AOAH: variants seen among roughly 807,000 people sequenced by gnomAD.
AOAH encodes the protein acyloxyacyl hydrolase.
Under a neutral mutation model 92.2 loss-of-function variants are expected in AOAH, and 64 were observed. That is an observed-to-expected ratio of 0.69 (90% CI 0.57 to 0.86). The LOEUF (loss-of-function observed/expected upper bound fraction) is 0.86, where lower values mean the gene tolerates loss of function less well. Ranked by LOEUF, AOAH falls within the 40% of genes least tolerant of loss-of-function variation. The pLI, the probability that AOAH is intolerant of heterozygous loss-of-function variation, is 0.00. For synonymous variants in AOAH, 263 were observed against 254.5 expected, an observed-to-expected ratio of 1.03 and a Z score of -0.32; for missense variants, 656 against 694.6, an observed-to-expected ratio of 0.94 and a Z score of 0.62.
chr7:36,710,607 G>C (rs559579889), intron 1 of AOAH, among the ~76,000 whole-genome samples: 1 of 152,186 alleles, frequency 6.6e-6, no homozygotes, highest in African/African-American at 2.4e-5. Flanking sequence ...TAATAAATTT[G>C]TGTTGATTTA....
At chr7:36,646,126 A>G (rs1465862895) in intron 4 of AOAH, among the ~76,000 whole-genome samples, 2 of 152,216 alleles carry the variant, frequency 1.3e-5, no homozygotes, top group African/African-American at 2.4e-5. Context: ...TTCACACCAT[A>G]GAGGTTCTTC....
intron 12 of AOAH, among the ~76,000 whole-genome samples, chr7:36,593,655 A>C (rs1789903620): frequency 6.6e-6 from 1 of 152,200 alleles, no homozygotes; most frequent in African/African-American, 2.4e-5. Flanking sequence ...AGATGTTGGG[A>C]GAGAAATTGC....
chr7:36,573,645 G>A (rs546454403), intron 13 of AOAH, among the ~76,000 whole-genome samples: 1 of 152,278 alleles, frequency 6.6e-6, no homozygotes, highest in Admixed American at 6.5e-5. Flanking sequence ...TTGAACCCAG[G>A]AGGTGGAGGT....
intron 11 of AOAH, among the ~76,000 whole-genome samples, chr7:36,601,874 G>C (rs559717355): frequency 6.6e-6 from 1 of 152,146 alleles, no homozygotes; most frequent in Non-Finnish European, 1.5e-5. Flanking sequence ...AAACCTCAGG[G>C]CTAAATTCAT....
chr7:36,538,172 T>G (rs1302428821), intron 16 of AOAH, among the ~76,000 whole-genome samples: 1 of 151,822 alleles, frequency 6.6e-6, no homozygotes, highest in East Asian at 1.9e-4. Flanking sequence ...GGATCACAGG[T>G]GTGTGCCACC....
chr7:36,657,536 C>T (rs1026058203), intron 4 of AOAH, among the ~76,000 whole-genome samples: 3 of 152,132 alleles, frequency 2.0e-5, no homozygotes, highest in African/African-American at 7.2e-5. Flanking sequence ...CCCATTGTCC[C>T]TCTTTTCTGG....
intron 13 of AOAH, among the ~76,000 whole-genome samples, chr7:36,550,882 T>C (rs947315175): frequency 6.6e-6 from 1 of 152,124 alleles, no homozygotes; most frequent in Non-Finnish European, 1.5e-5. Flanking sequence ...CGTGTAGCCA[T>C]GAAGGGTATG....
chr7:36,567,445 G>A (rs1298615555), intron 13 of AOAH, among the ~76,000 whole-genome samples: 1 of 152,194 alleles, frequency 6.6e-6, no homozygotes, highest in Non-Finnish European at 1.5e-5. Context: ...GTAAAATGGA[G>A]TTGCTCTGTG....
At chr7:36,687,903 T>TA (rs1344801680) in intron 1 of AOAH, among the ~76,000 whole-genome samples, 1 of 151,834 alleles carries the variant, frequency 6.6e-6, no homozygotes, top group African/African-American at 2.4e-5. Flanking sequence ...AAATCTTCTA[T>TA]AAAATGAGAG....
At chr7:36,672,598 C>T (rs1050671935) in intron 3 of AOAH, among the ~76,000 whole-genome samples, 1 of 152,068 alleles carries the variant, frequency 6.6e-6, no homozygotes, top group Non-Finnish European at 1.5e-5. Flanking sequence ...GGGAGGGGAA[C>T]ATCACACACC....
At chr7:36,590,374 T>TA (rs758371912) in intron 12 of AOAH, among the ~76,000 whole-genome samples, 45 of 152,304 alleles carry the variant, frequency 3.0e-4, no homozygotes, top group Middle Eastern at 6.8e-3. Context: ...TCCCAGTATA[T>TA]TTTTTAAGGG....
chr7:36,557,850 A>T (rs1311452661), intron 13 of AOAH, among the ~76,000 whole-genome samples: 2 of 151,834 alleles, frequency 1.3e-5, no homozygotes, highest in African/African-American at 4.8e-5. Context: ...TCCTTTAAGC[A>T]CTTCTCTGTA....
intron 13 of AOAH, among the ~76,000 whole-genome samples, chr7:36,556,296 G>C (rs1403013833): frequency 6.6e-6 from 1 of 152,112 alleles, no homozygotes; most frequent in African/African-American, 2.4e-5. Context: ...GAGCGGTTTT[G>C]AGTGAGTTTC....
At chr7:36,528,071 A>G (rs1485038292) in intron 19 of AOAH, among the ~76,000 whole-genome samples, 2 of 152,218 alleles carry the variant, frequency 1.3e-5, no homozygotes, top group Non-Finnish European at 2.9e-5. Flanking sequence ...TCAGATGTTC[A>G]TGGAGGCAGG....
intron 1 of AOAH, among the ~76,000 whole-genome samples, chr7:36,694,589 A>C (rs1310569419): frequency 6.6e-6 from 1 of 152,186 alleles, no homozygotes; most frequent in African/African-American, 2.4e-5. Context: ...AAAATCCTTT[A>C]TCTTAAGGTG....
chr7:36,515,541 A>C, intron 20 of AOAH, among the ~76,000 whole-genome samples: 3 of 18,308 alleles, frequency 1.6e-4, no homozygotes, highest in African/African-American at 1.5e-4. Context: ...ACCCTTCACA[A>C]CCCCACGCCA....
chr7:36,696,642 A>G lies in AOAH; in HGVS notation c.128-9848T>C, dbSNP rs564545096. ...TTTGGGAGGCTGAGGCGGGTGGATC[A>G]TGAGGTCAGGAGTTCAAGACCAGCC... On this transcript the variant is annotated intron_variant, in intron 1 of 20. Coordinates refer to ENST00000617537, the MANE Select transcript of AOAH (RefSeq NM_001637.4). Among the ~76,000 whole-genome samples the G allele has an allele frequency of 2.7e-4, 41 of 152,132 alleles. No homozygotes were observed. In the East Asian group the frequency reaches 7.5e-3, roughly 28 times the overall value.
chr7:36,696,157 C>A (rs1388384791), intron 1 of AOAH, among the ~76,000 whole-genome samples: 1 of 152,176 alleles, frequency 6.6e-6, no homozygotes, highest in Non-Finnish European at 1.5e-5. Flanking sequence ...GTCCCCACAC[C>A]AATACCACAC....
chr7:36,610,212 G>C (rs1446879048), intron 11 of AOAH, among the ~76,000 whole-genome samples: 1 of 148,580 alleles, frequency 6.7e-6, no homozygotes, highest in Admixed American at 6.7e-5. Context: ...GTAGGTGGGT[G>C]GTTTAGTAGA....
Sources: gnomAD v4.1 joint callset for allele counts (sites outside exome capture counted in the v4.1 genomes callset) on GRCh38, gnomAD v4.1.1 for gene constraint, MANE v1.5 for transcripts, NCBI Gene and HGNC (gene_info 2026-07-23, HGNC 2026-07-21) for gene names.